Variants in CDKL5 observed in about 807,000 individuals in gnomAD.
CDKL5 encodes cyclin dependent kinase like 5.
CDKL5 carries 8 observed loss-of-function variants against 61.7 expected under a neutral mutation model. That is an observed-to-expected ratio of 0.13 (90% confidence interval 0.08 to 0.23). The LOEUF (loss-of-function observed/expected upper bound fraction) is 0.23. CDKL5 is among the 10% of genes least tolerant of loss of function. The probability of loss-of-function intolerance (pLI) is 1.00; values close to 1 mark genes in which losing one functional copy is unlikely to be tolerated. For synonymous variants in CDKL5, 275 were observed against 272.3 expected, an observed-to-expected ratio of 1.01 and a Z score of -0.10; for missense variants, 440 against 734.5, an observed-to-expected ratio of 0.60 and a Z score of 4.63.
chrX:18,506,577 C>G (rs1185784208), intron 1 of CDKL5, among the ~76,000 whole-genome samples: 3 of 112,278 alleles, frequency 2.7e-5, no homozygotes, highest in Non-Finnish European at 5.6e-5. Flanking sequence ...AGTTTCATGT[C>G]ATTGTATAAA....
At chrX:18,448,819 TCTTTGGAGGGAGAGC>T (rs1931940840) in intron 1 of CDKL5, among the ~76,000 whole-genome samples, 1 of 112,126 alleles carries the variant, frequency 8.9e-6, no homozygotes. Context: ...GAAAAATGTA[TCTTTGGAGGGAGAGC>T]CTCTTTTCTT....
intron 1 of CDKL5, among the ~76,000 whole-genome samples, chrX:18,430,948 G>A (rs1452389590): frequency 1.4e-4 from 15 of 106,679 alleles, no homozygotes; most frequent in African/African-American, 4.5e-4. Context: ...CGCAACCTCC[G>A]CCCCCCAGGT....
Position 18,633,888 on chromosome X carries a change from TATG to T in CDKL5, c.*5134_*5136del, listed in dbSNP as rs1927306515. On this transcript the variant is annotated 3_prime_UTR_variant, in exon 18 of 18. Coordinates refer to ENST00000623535, the MANE Select transcript of CDKL5 (RefSeq NM_001323289.2). The stretch of plus-strand genomic sequence containing the variant: ...CGTGTATTTACTGTAGGCTATTAAA[TATG>T]ATCATGACCCGCCTTGCATTTTCAT... 1.3e-6 allele frequency: 1 copy of T among 752,012 alleles called. No homozygotes were observed. The highest frequency in any genetic ancestry group is 8.9e-5 in the Admixed American group (1 of 11,269). The allele number at this position is 752,012 out of a possible 1,213,427, so 62.0% of individuals were successfully genotyped here. A position where few individuals can be genotyped will look rare whatever the true frequency, so the allele number is the denominator to read the frequency against.
intron 1 of CDKL5, among the ~76,000 whole-genome samples, chrX:18,435,673 T>A (rs1931594860): frequency 1.8e-5 from 2 of 111,512 alleles, no homozygotes; most frequent in Non-Finnish European, 1.9e-5. Flanking sequence ...TTCAAGCGAT[T>A]TTTGTGCTTC....
intron 14 of CDKL5, 50 bp from the exon 15 acceptor site, chrX:18,613,093 TAAAAAAAAA>T: frequency 1.7e-5 from 13 of 766,826 alleles, no homozygotes; most frequent in Admixed American, 7.7e-5. Flanking sequence ...AGACTCTGTC[TAAAAAAAAA>T]AAAAAAAAAA....
At chrX:18,533,982 C>T (rs1273163120) in intron 3 of CDKL5, among the ~76,000 whole-genome samples, 1 of 112,052 alleles carries the variant, frequency 8.9e-6, no homozygotes, top group Non-Finnish European at 1.9e-5. Flanking sequence ...CTTGCCCCAG[C>T]ATCACAGTGT....
chrX:18,481,719 G>A (rs150371891), intron 1 of CDKL5, among the ~76,000 whole-genome samples: 1 of 109,563 alleles, frequency 9.1e-6, no homozygotes, highest in African/African-American at 3.3e-5. Flanking sequence ...TGCTAGGTGG[G>A]TGCTAATGAA....
intron 19 of CDKL5, among the ~76,000 whole-genome samples, chrX:18,645,238 T>A (rs1048889927): frequency 3.6e-5 from 4 of 111,786 alleles, no homozygotes; most frequent in Non-Finnish European, 7.5e-5. Flanking sequence ...GTATTTTAAT[T>A]AGCTTTGTAG....
chrX:18,434,005 G>T (rs1931556315), intron 1 of CDKL5, among the ~76,000 whole-genome samples: 1 of 111,852 alleles, frequency 8.9e-6, no homozygotes, highest in Admixed American at 9.5e-5. Context: ...GATTGTGATG[G>T]GATTTGCAAA....
intron 20 of CDKL5, among the ~76,000 whole-genome samples, chrX:18,649,803 C>T (rs1225792128): frequency 1.8e-5 from 2 of 112,041 alleles, no homozygotes; most frequent in East Asian, 2.8e-4. Context: ...GAGGGCTCCT[C>T]CCCCACCCGC....
Position 18,638,650 on chromosome X carries a change from T to A in CDKL5, c.*9893T>A, listed in dbSNP as rs1159823314. ...TCTTATGAATCGTATATCTTACTGT[T>A]TATTAAATTCTGAAGTATTGAGCAG... On this transcript the variant is annotated 3_prime_UTR_variant, in exon 18 of 18. Coordinates refer to ENST00000623535, the MANE Select transcript of CDKL5 (RefSeq NM_001323289.2). Among the ~76,000 whole-genome samples, 1 of 112,718 alleles carries A rather than the reference T, an allele frequency of 8.9e-6. No homozygotes were observed. The highest frequency in any genetic ancestry group is 1.9e-5 in the Non-Finnish European group (1 of 53,411).
chrX:18,577,338 A>G (rs915807759), intron 5 of CDKL5, among the ~76,000 whole-genome samples: 15 of 110,993 alleles, frequency 1.4e-4, no homozygotes, highest in African/African-American at 4.9e-4. Flanking sequence ...CAGGCCTGAG[A>G]TTCTTCCCCC....
At chrX:18,591,013 C>G (rs1925809909) in intron 9 of CDKL5, among the ~76,000 whole-genome samples, 1 of 110,592 alleles carries the variant, frequency 9.0e-6, no homozygotes, top group African/African-American at 3.3e-5. Flanking sequence ...CAGGGTTTTT[C>G]CAGTTTCATC....
At chrX:18,498,955 G>A (rs1922281293) in intron 1 of CDKL5, among the ~76,000 whole-genome samples, 1 of 111,143 alleles carries the variant, frequency 9.0e-6, no homozygotes, top group African/African-American at 3.3e-5. Flanking sequence ...GTTTTTAGTA[G>A]AGACAGGATT....
At chrX:18,560,118 G>T (rs1367583211) in intron 3 of CDKL5, among the ~76,000 whole-genome samples, 1 of 110,743 alleles carries the variant, frequency 9.0e-6, no homozygotes, top group Admixed American at 9.6e-5. Context: ...CTTTATAGCA[G>T]CATGATTTAT....
chrX:18,596,921 A>T (rs1207526821), intron 10 of CDKL5, among the ~76,000 whole-genome samples: 3 of 112,341 alleles, frequency 2.7e-5, no homozygotes, highest in Non-Finnish European at 5.6e-5. Context: ...TCAAATTCCT[A>T]TTTATTTAAT....
chrX:18,526,830 C>T (rs1379518229), intron 3 of CDKL5, among the ~76,000 whole-genome samples: 2 of 108,754 alleles, frequency 1.8e-5, no homozygotes. Context: ...GTTGCCCAGG[C>T]TGGAGTGCAA....
chrX:18,582,639 A>G (rs1005313930), intron 7 of CDKL5, among the ~76,000 whole-genome samples: 1 of 111,866 alleles, frequency 8.9e-6, no homozygotes, highest in African/African-American at 3.2e-5. Context: ...TGATTTTTTA[A>G]ATGTCTTTTT....
rs1359610099 is a variant in CDKL5 at position 18,455,906 on chromosome X, C to T, written c.-163+30211C>T. 7.1e-5 allele frequency among the ~76,000 whole-genome samples: 8 copies of T among 112,032 alleles called. No individual in the cohort carries two copies. The East Asian group carries it at 2.2e-3, about 31-fold the overall frequency. ...TTTAGCACTTCTCATTTGGAGTTAA[C>T]CCTTTCACCTTTACTATGAGGTCTT... is the stretch of plus-strand genomic sequence containing the variant. On this transcript the variant is annotated intron_variant, in intron 1 of 17. Coordinates refer to ENST00000623535, the MANE Select transcript of CDKL5 (RefSeq NM_001323289.2).
Sources: gnomAD v4.1 joint callset for allele counts (sites outside exome capture counted in the v4.1 genomes callset) on GRCh38, gnomAD v4.1.1 for gene constraint, MANE v1.5 for transcripts, NCBI Gene and HGNC (gene_info 2026-07-23, HGNC 2026-07-21) for gene names.